The following BAIAP2L1 variants were observed in gnomAD, a reference collection of about 807,000 sequenced individuals.
BAIAP2L1 encodes BAR/IMD domain containing adaptor protein 2 like 1.
A neutral mutation model predicts 66.3 loss-of-function variants in BAIAP2L1; 35 were observed. That is an observed-to-expected ratio of 0.53 (90% CI 0.40 to 0.70). The LOEUF (loss-of-function observed/expected upper bound fraction) is 0.70. Ranked by LOEUF, BAIAP2L1 falls within the 30% of genes least tolerant of loss-of-function variation. The pLI is 0.00. For missense variants in BAIAP2L1, 622 were observed against 656.9 expected (o/e 0.95, Z 0.58); for synonymous variants, 269 against 248.7 (o/e 1.08, Z -0.77).
At chr7:98,318,349 G>C (rs1298220239) in intron 5 of BAIAP2L1, among the ~76,000 whole-genome samples, 1 of 152,084 alleles carries the variant, frequency 6.6e-6, no homozygotes, top group Non-Finnish European at 1.5e-5. Context: ...GTTGCAGCAA[G>C]CTGAGATCGC....
At chr7:98,353,403 A>AATATATATATTATAT (rs1491410820) in intron 3 of BAIAP2L1, among the ~76,000 whole-genome samples, 3 of 136,858 alleles carry the variant, frequency 2.2e-5, no homozygotes, top group Non-Finnish European at 3.1e-5. Context: ...AAATATACAT[A>AATATATATATTATAT]ATATATATAT....
In BAIAP2L1 at chr7:98,355,661, G is replaced by A. The variant is rs1261699645; in HGVS notation, c.128-533C>T. ...AGAGGATCGCTTGAGCCCAGGAGGCGGAGGTTGCAAGTGAGCCGAGATCAT... is the reference window on the plus strand; with the variant it reads ...AGAGGATCGCTTGAGCCCAGGAGGCAGAGGTTGCAAGTGAGCCGAGATCAT... On this transcript the variant is annotated intron_variant, in intron 2 of 13. Coordinates refer to ENST00000005260, the MANE Select transcript of BAIAP2L1 (RefSeq NM_018842.5). Among the ~76,000 whole-genome samples, 12 of 152,028 alleles carry A rather than the reference G, an allele frequency of 7.9e-5. No homozygotes were observed. In the East Asian group the frequency reaches 1.2e-3, roughly 15 times the overall value.
chr7:98,305,719 G>A (rs760919285), intron 11 of BAIAP2L1, among the ~76,000 whole-genome samples: 4 of 152,156 alleles, frequency 2.6e-5, no homozygotes, highest in East Asian at 1.9e-4. Context: ...CACCGTGCCC[G>A]GCCAGTTTCC....
At chr7:98,366,646 G>A (rs940249710) in intron 1 of BAIAP2L1, among the ~76,000 whole-genome samples, 4 of 152,084 alleles carry the variant, frequency 2.6e-5, no homozygotes, top group Non-Finnish European at 5.9e-5. Flanking sequence ...GTTCTCAAAA[G>A]GAAGAAAATA....
At chr7:98,372,128 C>T (rs574312881) in intron 1 of BAIAP2L1, among the ~76,000 whole-genome samples, 104 of 150,684 alleles carry the variant, frequency 6.9e-4, no homozygotes, top group Non-Finnish European at 9.3e-4. Context: ...CTGTATAGGC[C>T]GGGTGTGTTG....
intron 12 of BAIAP2L1, among the ~76,000 whole-genome samples, chr7:98,294,911 G>A (rs1447782417): frequency 6.6e-6 from 1 of 152,094 alleles, no homozygotes; most frequent in Non-Finnish European, 1.5e-5. Flanking sequence ...CCAGGTGTGT[G>A]CGCGCCTTCT....
rs1280406105 is a variant in BAIAP2L1 at position 98,292,768 on chromosome 7, T to A, written c.*753A>T. 13 of 1,549,544 alleles carry A rather than the reference T, an allele frequency of 8.4e-6. No individual in the cohort carries two copies. The highest frequency in any genetic ancestry group is 1.1e-5 in the Non-Finnish European group (13 of 1,145,916). On this transcript the variant is annotated 3_prime_UTR_variant, in exon 14 of 14. Coordinates refer to ENST00000005260, the MANE Select transcript of BAIAP2L1 (RefSeq NM_018842.5). The stretch of plus-strand genomic sequence containing the variant: ...ATGCAGCTTTGGCCAACTAGCTGAG[T>A]GAGAACACAAGGAGCCGTGACTCCG...
At chr7:98,306,415 G>A in intron 11 of BAIAP2L1, 24 bp downstream of exon 11, 1 of 1,613,556 alleles carries the variant, frequency 6.2e-7, no homozygotes, top group Non-Finnish European at 8.5e-7. Flanking sequence ...GTCACCGGGA[G>A]AGCTCAGCCA....
At position 98,359,514 on chromosome 7, in the gene BAIAP2L1, G is replaced by C. The variant is rs181714121; in HGVS notation, c.127+2843C>G. Among the ~76,000 whole-genome samples, 17 of 152,194 alleles carry C rather than the reference G, an allele frequency of 1.1e-4. 1 individual carries two copies. The highest frequency in any genetic ancestry group is 3.9e-4 in the African/African-American group (16 of 41,540). ...TCTCAATCTCTTGACCTCGTGATCC[G>C]CCCGCTTCGGCCTCCCAGTGTGCTG... On this transcript the variant is annotated intron_variant, in intron 2 of 13. Transcript: ENST00000005260.
intron 1 of BAIAP2L1, chr7:98,400,053 G>A (rs1436091345): frequency 6.6e-6 from 1 of 151,766 alleles, no homozygotes; most frequent in Non-Finnish European, 1.5e-5. Context: ...GGAAACTCGA[G>A]CTTGTGTCTT....
chr7:98,315,127 G>A (rs182347142), intron 7 of BAIAP2L1, among the ~76,000 whole-genome samples: 9 of 152,050 alleles, frequency 5.9e-5, no homozygotes, highest in Admixed American at 4.6e-4. Context: ...ATCTCTGTAC[G>A]TATGGACTGA....
At position 98,293,514 on chromosome 7, in the gene BAIAP2L1, T is replaced by C; in HGVS notation, c.*7A>G. On this transcript the variant is annotated 3_prime_UTR_variant, in exon 14 of 14. Coordinates refer to ENST00000005260, the MANE Select transcript of BAIAP2L1 (RefSeq NM_018842.5). Reference sequence around the variant, plus strand: ...GGAGAGGCCCGGGAGAGTCCTTGGCTGTCCTCTCATCGAATGATGGGTGCC... The same window carrying C: ...GGAGAGGCCCGGGAGAGTCCTTGGCCGTCCTCTCATCGAATGATGGGTGCC... 6.2e-7 allele frequency: 1 copy of C among 1,612,326 alleles called. No homozygotes were observed. The highest frequency in any genetic ancestry group is 1.1e-5 in the South Asian group (1 of 91,036).
rs1423116618 is a variant in BAIAP2L1 at position 98,357,037 on chromosome 7, ATATATATATATATTT to A, written c.128-1924_128-1910del. Among the ~76,000 whole-genome samples the A allele has an allele frequency of 5.3e-4, 9 of 16,974 alleles. 1 individual carries two copies. The highest frequency in any genetic ancestry group is 1.3e-3 in the African/African-American group (6 of 4,452). 11.1% of individuals were successfully genotyped at this position (16,974 alleles called of 152,430 possible). Reference sequence around the variant, plus strand: ...AAAAAAAAAATATATATATATATATATATATATATATATTTTTTTTTTTTTTTTTTTAAGAGTAGG... The same window carrying A: ...AAAAAAAAAATATATATATATATATATTTTTTTTTTTTTTTTAAGAGTAGG... On this transcript the variant is annotated intron_variant, in intron 2 of 13. Transcript: ENST00000005260.
At chr7:98,363,313 G>A (rs949460385) in intron 1 of BAIAP2L1, among the ~76,000 whole-genome samples, 9 of 151,930 alleles carry the variant, frequency 5.9e-5, no homozygotes, top group African/African-American at 2.2e-4. Flanking sequence ...GGGATTACAG[G>A]CACGAGCCAC....
At chr7:98,359,684 C>G (rs933106107) in intron 2 of BAIAP2L1, among the ~76,000 whole-genome samples, 2 of 151,966 alleles carry the variant, frequency 1.3e-5, no homozygotes, top group Non-Finnish European at 2.9e-5. Flanking sequence ...CAACCCACAC[C>G]ACTCAAATTC....
chr7:98,319,836 C>CA (rs1801194042), intron 5 of BAIAP2L1, among the ~76,000 whole-genome samples: 1 of 152,198 alleles, frequency 6.6e-6, no homozygotes, highest in Non-Finnish European at 1.5e-5. Context: ...CAGGCATGAG[C>CA]CACCGCACCT....
intron 1 of BAIAP2L1, among the ~76,000 whole-genome samples, chr7:98,382,469 G>C (rs1028897573): frequency 2.6e-5 from 4 of 152,076 alleles, no homozygotes; most frequent in Admixed American, 6.6e-5. Flanking sequence ...AACACAGGGA[G>C]ACTGTGTCTC....
intron 1 of BAIAP2L1, among the ~76,000 whole-genome samples, chr7:98,376,349 C>A (rs937229826): frequency 8.6e-5 from 13 of 150,892 alleles, no homozygotes; most frequent in African/African-American, 7.3e-5. Flanking sequence ...CCAAAAACAA[C>A]AAAAAAAATT....
chr7:98,317,205 G>C lies in BAIAP2L1; in HGVS notation c.486+14C>G, dbSNP rs1801101300. 6.2e-7 allele frequency: 1 copy of C among 1,614,088 alleles called. No individual in the cohort carries two copies. The highest frequency in any genetic ancestry group is 8.5e-7 in the Non-Finnish European group (1 of 1,179,996). ...CAACAACAAAAGAAAACAAGATATT[G>C]TTGAAAAGCTCACCTCAATTTCTTT... On this transcript the variant is annotated intron_variant, in intron 6 of 13. Transcript: ENST00000005260.
Sources: gnomAD v4.1 joint callset for allele counts (sites outside exome capture counted in the v4.1 genomes callset) on GRCh38, gnomAD v4.1.1 for gene constraint, MANE v1.5 for transcripts, NCBI Gene and HGNC (gene_info 2026-07-23, HGNC 2026-07-21) for gene names.